PAPPA2: variants seen among roughly 807,000 people sequenced by gnomAD.
PAPPA2 encodes the protein pappalysin 2.
PAPPA2 carries 86 observed loss-of-function variants against 176.4 expected under a neutral mutation model. That is an observed-to-expected ratio of 0.49 (90% confidence interval 0.41 to 0.58). PAPPA2 has a LOEUF of 0.58. Ranked by LOEUF, PAPPA2 falls within the 20% of genes least tolerant of loss-of-function variation. The probability of loss-of-function intolerance (pLI) is 0.00; values close to 1 mark genes in which losing one functional copy is unlikely to be tolerated. For missense variants in PAPPA2, 2,073 were observed against 2,256.9 expected, an observed-to-expected ratio of 0.92 and a Z score of 1.65; for synonymous variants, 809 against 852.2, an observed-to-expected ratio of 0.95 and a Z score of 0.88.
intron 11 of PAPPA2, among the ~76,000 whole-genome samples, chr1:176,710,548 AT>A (rs902479402): frequency 1.3e-5 from 2 of 152,026 alleles, no homozygotes; most frequent in Admixed American, 6.6e-5. Context: ...TTGCGTACAT[AT>A]TTTTTTTCTG....
chr1:176,611,222 G>A (rs1215975612), intron 3 of PAPPA2, among the ~76,000 whole-genome samples: 2 of 152,186 alleles, frequency 1.3e-5, no homozygotes, highest in Non-Finnish European at 2.9e-5. Context: ...GAGACCAGTA[G>A]AGAGAGTATA....
chr1:176,636,852 G>T (rs759735130), intron 3 of PAPPA2, among the ~76,000 whole-genome samples: 1 of 152,160 alleles, frequency 6.6e-6, no homozygotes, highest in African/African-American at 2.4e-5. Context: ...TTCTTCATTA[G>T]AGATAAAAAG....
rs189403093 is a variant in PAPPA2, at chr1:176,795,348, G to A, written c.5130+1679G>A. On this transcript the variant is annotated intron_variant, in intron 20 of 22. Transcript: ENST00000367662. Reference sequence around the variant, plus strand: ...TTTCATCTTTTACTCAGGAGGAGGTGGCTGCAGGAAATCAAAGGGCCCACA... The same window carrying A: ...TTTCATCTTTTACTCAGGAGGAGGTAGCTGCAGGAAATCAAAGGGCCCACA... 3.4e-3 allele frequency among the ~76,000 whole-genome samples: 514 copies of A among 152,208 alleles called. 7 individuals are homozygous for A. Among genetic ancestry groups the A allele is most frequent in the African/African-American group, 0.012 (496 of 41,534 alleles).
At chr1:176,541,290 G>A (rs571859390) in intron 1 of PAPPA2, among the ~76,000 whole-genome samples, 4 of 152,314 alleles carry the variant, frequency 2.6e-5, no homozygotes, top group African/African-American at 9.6e-5. Flanking sequence ...GATCTTGACA[G>A]TGCATTAACA....
intron 18 of PAPPA2, among the ~76,000 whole-genome samples, chr1:176,790,886 G>C (rs1321785486): frequency 2.0e-5 from 3 of 152,160 alleles, no homozygotes; most frequent in Admixed American, 6.5e-5. Flanking sequence ...CATTTAAGCA[G>C]ACAGGCAAAA....
At chr1:176,624,680 C>T (rs926368863) in intron 3 of PAPPA2, among the ~76,000 whole-genome samples, 2 of 152,164 alleles carry the variant, frequency 1.3e-5, no homozygotes, top group Admixed American at 6.5e-5. Flanking sequence ...ATTTGATACA[C>T]TTATTAAGAT....
chr1:176,741,173 T>A (rs1439712629), intron 14 of PAPPA2, among the ~76,000 whole-genome samples: 3 of 152,178 alleles, frequency 2.0e-5, no homozygotes, highest in Non-Finnish European at 4.4e-5. Context: ...GGAATCTGGA[T>A]ACAGCTTCGC....
chr1:176,777,354 T>C (rs1664504204), intron 17 of PAPPA2, among the ~76,000 whole-genome samples: 1 of 152,220 alleles, frequency 6.6e-6, no homozygotes. Flanking sequence ...GCCAAGGTTT[T>C]GTTCTTTCCT....
At chr1:176,541,407 T>C (rs980240855) in intron 1 of PAPPA2, among the ~76,000 whole-genome samples, 3 of 152,186 alleles carry the variant, frequency 2.0e-5, no homozygotes, top group Non-Finnish European at 4.4e-5. Flanking sequence ...TACTGTCCCA[T>C]AGGGACATTT....
chr1:176,815,050 T>C (rs2102966695), intron 21 of PAPPA2, among the ~76,000 whole-genome samples: 1 of 152,310 alleles, frequency 6.6e-6, no homozygotes, highest in South Asian at 2.1e-4. Flanking sequence ...ATCATGTGGT[T>C]TTTGTCTTCA....
chr1:176,736,330 G>T (rs957212757), intron 12 of PAPPA2, among the ~76,000 whole-genome samples: 4 of 151,230 alleles, frequency 2.6e-5, no homozygotes, highest in African/African-American at 9.7e-5. Flanking sequence ...AAATAGTCTG[G>T]ACTCTATATA....
At chr1:176,648,109 A>G (rs1657517004) in intron 3 of PAPPA2, among the ~76,000 whole-genome samples, 1 of 151,370 alleles carries the variant, frequency 6.6e-6, no homozygotes, top group African/African-American at 2.4e-5. Flanking sequence ...CTTCAATTTC[A>G]TTCATCAGTG....
intron 9 of PAPPA2, among the ~76,000 whole-genome samples, chr1:176,703,581 C>T (rs1049000433): frequency 1.3e-5 from 2 of 152,108 alleles, no homozygotes; most frequent in Non-Finnish European, 2.9e-5. Context: ...TTTTATTTTC[C>T]CAGACCAGGT....
intron 3 of PAPPA2, among the ~76,000 whole-genome samples, chr1:176,650,138 T>C (rs1247194961): frequency 2.0e-5 from 3 of 151,692 alleles, no homozygotes; most frequent in Non-Finnish European, 4.4e-5. Context: ...CCCTTTGTCA[T>C]TATATGGTAA....
Position 176,762,304 on chromosome 1 carries a change from A to G in PAPPA2, c.4152-3362A>G, listed in dbSNP as rs571633732. On this transcript the variant is annotated intron_variant, in intron 14 of 22. Coordinates refer to ENST00000367662, the MANE Select transcript of PAPPA2 (RefSeq NM_020318.3). ...ATTTCATGCCACTTTTCCCTCTCAT[A>G]TTCTCCCCTGTCTCATTCTTCCTCC... 5.7e-5 allele frequency among the ~76,000 whole-genome samples: 8 copies of G among 140,206 alleles called. No individual in the cohort carries two copies. The South Asian group carries it at 1.6e-3, about 27-fold the overall frequency. The allele number at this position is 140,206 out of a possible 152,430, so 92.0% of individuals were successfully genotyped here. A position where few individuals can be genotyped will look rare whatever the true frequency, so the allele number is the denominator to read the frequency against.
At chr1:176,804,874 T>C (rs1175978948) in intron 21 of PAPPA2, among the ~76,000 whole-genome samples, 1 of 152,212 alleles carries the variant, frequency 6.6e-6, no homozygotes, top group East Asian at 1.9e-4. Flanking sequence ...ATGATAACTG[T>C]ATAAAAGACC....
At chr1:176,469,667 C>T (rs929792078) in intron 1 of PAPPA2, among the ~76,000 whole-genome samples, 1 of 152,194 alleles carries the variant, frequency 6.6e-6, no homozygotes, top group African/African-American at 2.4e-5. Flanking sequence ...CTTTTGATAA[C>T]ATCCACTGGG....
intron 14 of PAPPA2, among the ~76,000 whole-genome samples, chr1:176,762,819 C>T (rs1002472039): frequency 4.6e-5 from 7 of 152,220 alleles, no homozygotes; most frequent in African/African-American, 1.7e-4. Context: ...ACAACCCCCA[C>T]CTTATATATT....
intron 1 of PAPPA2, among the ~76,000 whole-genome samples, chr1:176,525,841 T>C (rs931692785): frequency 3.9e-5 from 6 of 152,220 alleles, no homozygotes; most frequent in Non-Finnish European, 8.8e-5. Flanking sequence ...AGTGTATTTC[T>C]TGCGTGTTCA....
Sources: gnomAD v4.1 joint callset for allele counts (sites outside exome capture counted in the v4.1 genomes callset) on GRCh38, gnomAD v4.1.1 for gene constraint, MANE v1.5 for transcripts, NCBI Gene and HGNC (gene_info 2026-07-23, HGNC 2026-07-21) for gene names.